The following NAT1 variants were observed in gnomAD, a reference collection of about 807,000 sequenced individuals.
The protein encoded by NAT1 is arylamine N-acetyltransferase 1.
For missense variants in NAT1, 400 were observed against 339.2 expected (o/e 1.18, Z -1.41); for synonymous variants, 144 against 122.6 (o/e 1.17, Z -1.16).
At chr8:18,174,911 G>A (rs969977312) in intron 2 of NAT1, among the ~76,000 whole-genome samples, 1 of 152,010 alleles carries the variant, frequency 6.6e-6, no homozygotes, top group Non-Finnish European at 1.5e-5. Context: ...AGTCCTCAAA[G>A]GGTTTACGGT....
At chr8:18,217,979 T>G (rs1804870051) in intron 1 of NAT1, among the ~76,000 whole-genome samples, 2 of 152,096 alleles carry the variant, frequency 1.3e-5, no homozygotes, top group South Asian at 4.1e-4. Context: ...TTTATTGGAG[T>G]GGCTGAGAAT....
At chr8:18,203,393 A>G (rs1803560775) in intron 2 of NAT1, among the ~76,000 whole-genome samples, 1 of 152,210 alleles carries the variant, frequency 6.6e-6, no homozygotes, top group Non-Finnish European at 1.5e-5. Context: ...AGTTAAATAT[A>G]ACTGAGGCAT....
intron 1 of NAT1, among the ~76,000 whole-genome samples, chr8:18,214,102 C>T (rs1482585594): frequency 1.3e-5 from 2 of 152,138 alleles, no homozygotes; most frequent in South Asian, 2.1e-4. Flanking sequence ...CATGAGCAAC[C>T]GTGCCCGGCC....
intron 2 of NAT1, among the ~76,000 whole-genome samples, chr8:18,174,216 G>A (rs183363020): frequency 4.9e-4 from 75 of 152,268 alleles, no homozygotes; most frequent in African/African-American, 1.8e-3. Flanking sequence ...CCCAGGGTGA[G>A]GGAAAAGCTG....
chr8:18,216,764 G>T, intron 1 of NAT1: 1 of 597,016 alleles, frequency 1.7e-6, no homozygotes, highest in Non-Finnish European at 2.9e-6. Flanking sequence ...AAGAGGCTAA[G>T]CAGTTGACAG....
intron 1 of NAT1, among the ~76,000 whole-genome samples, chr8:18,218,132 C>A (rs1804889039): frequency 1.3e-5 from 2 of 152,118 alleles, no homozygotes; most frequent in African/African-American, 4.8e-5. Flanking sequence ...AGTGTTTTCT[C>A]TTCTCCTCTA....
rs28383658 is a variant in NAT1, at chr8:18,171,012, A to C, written n.92+273A>C. On this transcript the variant is annotated intron_variant and non_coding_transcript_variant, in intron 2 of 4. Coordinates refer to the NAT1 transcript ENST00000517441. The stretch of plus-strand genomic sequence containing the variant: ...CAAAATCAAATTGGATTCAACAGTT[A>C]ACTAGATTGGATCCAGTTAAAGGCC... Among the ~76,000 whole-genome samples, 455 of 152,250 alleles carry C rather than the reference A, an allele frequency of 3.0e-3. 6 individuals carry two copies. Among genetic ancestry groups the C allele is most frequent in the African/African-American group, 9.7e-3 (404 of 41,538 alleles).
chr8:18,181,468 G>A (rs972667197), intron 2 of NAT1, among the ~76,000 whole-genome samples: 11 of 152,084 alleles, frequency 7.2e-5, no homozygotes, highest in Non-Finnish European at 1.5e-4. Context: ...GTTTTTTGTG[G>A]AGTCCTTACG....
chr8:18,222,588 C>T lies in NAT1; in HGVS notation c.541C>T (p.Leu181=), dbSNP rs1355563071. 6.2e-7 allele frequency: 1 copy of T among 1,613,598 alleles called. No individual in the cohort carries two copies. The highest frequency in any genetic ancestry group is 1.7e-5 in the Admixed American group (1 of 59,930). Residue 181 remains leucine, a synonymous_variant, in exon 3 of 3, where the codon CTA becomes TTA. Transcript: ENST00000307719. ...TGAAGAATTTCTTCATTCTGATCTC[C>T]TAGAAGACAGCAAATACCGAAAAAT... is the stretch of plus-strand genomic sequence containing the variant. ...PNEEFLHSDL[L]EDSKYRKIYS...
In NAT1 at chr8:18,222,636, C is replaced by T. The variant is rs778732687; in HGVS notation, c.589C>T (p.Arg197Ter). ...RKIYSFTLKP[R>*]TIEDFESMNT... The stretch of plus-strand genomic sequence containing the variant: ...AATCTACTCCTTTACTCTTAAGCCT[C>T]GAACAATTGAAGATTTTGAGTCTAT... Residue 197 changes from arginine to a stop codon, truncating the protein, a stop_gained, in exon 3 of 3, where the codon CGA (arginine) becomes TGA (stop). Coordinates refer to ENST00000307719, the MANE Select transcript of NAT1 (RefSeq NM_000662.8). LOFTEE classifies it low-confidence loss of function (END_TRUNC). 8.7e-6 allele frequency: 14 copies of T among 1,613,250 alleles called. No individual in the cohort carries two copies. The highest frequency in any genetic ancestry group is 2.2e-5 in the South Asian group (2 of 90,904).
chr8:18,206,163 C>G (rs1035112260), upstream of NAT1, among the ~76,000 whole-genome samples: 2 of 152,180 alleles, frequency 1.3e-5, no homozygotes, highest in African/African-American at 4.8e-5. Context: ...TCCAGAGACT[C>G]GTGGTGAAAG....
chr8:18,198,495 G>A (rs1439347734), intron 2 of NAT1, among the ~76,000 whole-genome samples: 1 of 152,156 alleles, frequency 6.6e-6, no homozygotes, highest in African/African-American at 2.4e-5. Flanking sequence ...TAGTGTTGAG[G>A]TTAAATCACT....
intron 2 of NAT1, among the ~76,000 whole-genome samples, chr8:18,194,049 C>G (rs913460740): frequency 6.6e-6 from 1 of 152,192 alleles, no homozygotes; most frequent in Admixed American, 6.5e-5. Flanking sequence ...CTAACTGTTA[C>G]TGGCTTGATG....
chr8:18,202,859 G>A (rs571681897), intron 2 of NAT1, among the ~76,000 whole-genome samples: 1 of 152,110 alleles, frequency 6.6e-6, no homozygotes, highest in Non-Finnish European at 1.5e-5. Flanking sequence ...CTGCTGGCTT[G>A]GGTGACCGGC....
At chr8:18,202,928 T>C (rs1005916414) in intron 2 of NAT1, among the ~76,000 whole-genome samples, 1 of 152,158 alleles carries the variant, frequency 6.6e-6, no homozygotes, top group Admixed American at 6.5e-5. Context: ...TTAGAGGCGC[T>C]GATTGGTCCA....
Position 18,223,064 on chromosome 8 carries a change from T to C in NAT1, c.*144T>C. The C allele has an allele frequency of 2.2e-6, 1 of 463,392 alleles. No homozygotes were observed. The highest frequency in any genetic ancestry group is 4.2e-5 in the East Asian group (1 of 24,010). The allele number at this position is 463,392 out of a possible 1,614,324, so 28.7% of individuals were successfully genotyped here. A position where few individuals can be genotyped will look rare whatever the true frequency, so the allele number is the denominator to read the frequency against. On this transcript the variant is annotated 3_prime_UTR_variant, in exon 3 of 3. Coordinates refer to ENST00000307719, the MANE Select transcript of NAT1 (RefSeq NM_000662.8). ...CATTTCACCTATAAAAATGTCATCATATATAATTAAACAGCTTTTTAAAGA... is the reference window on the plus strand; with the variant it reads ...CATTTCACCTATAAAAATGTCATCACATATAATTAAACAGCTTTTTAAAGA...
chr8:18,188,048 C>CA (rs1802817226), intron 2 of NAT1, among the ~76,000 whole-genome samples: 1 of 150,848 alleles, frequency 6.6e-6, no homozygotes. Context: ...TTGTCTTCTT[C>CA]AAAAAAGTTA....
In NAT1 at chr8:18,173,031, C is replaced by T. The variant is rs570196015; in HGVS notation, n.92+2292C>T. ...GGAGCCCAGGACCTCTCTTCAGGGGCGAGTCTTCCATGGTGTTTTATTGTC... is the reference window on the plus strand; with the variant it reads ...GGAGCCCAGGACCTCTCTTCAGGGGTGAGTCTTCCATGGTGTTTTATTGTC... On this transcript the variant is annotated intron_variant and non_coding_transcript_variant, in intron 2 of 4. Transcript: ENST00000517441. 7.9e-5 allele frequency among the ~76,000 whole-genome samples: 12 copies of T among 152,146 alleles called. No individual in the cohort carries two copies. The South Asian group carries it at 2.3e-3, about 29-fold the overall frequency.
At chr8:18,189,283 C>T (rs188015775) in intron 2 of NAT1, among the ~76,000 whole-genome samples, 1 of 152,182 alleles carries the variant, frequency 6.6e-6, no homozygotes, top group East Asian at 1.9e-4. Context: ...CCCTTCCTCT[C>T]ATAATAACGT....
Sources: allele counts gnomAD v4.1 joint callset (sites outside exome capture counted in the v4.1 genomes callset), GRCh38; gene constraint gnomAD v4.1.1; transcripts MANE v1.5; gene names NCBI Gene and HGNC (gene_info 2026-07-23, HGNC 2026-07-21).